Variants in CAMK4 observed in about 807,000 individuals in gnomAD.
CAMK4 encodes calcium/calmodulin-dependent protein kinase type IV.
A neutral mutation model predicts 44.9 loss-of-function variants in CAMK4; 22 were observed. The ratio of observed to expected loss-of-function variants is 0.49; its 90% CI spans 0.35 to 0.70. The LOEUF (loss-of-function observed/expected upper bound fraction) is 0.70, where lower values mean the gene tolerates loss of function less well. Ranked by LOEUF, CAMK4 falls within the 30% of genes least tolerant of loss-of-function variation. The pLI is 0.01. For synonymous variants in CAMK4, 218 were observed against 215.4 expected, an observed-to-expected ratio of 1.01 and a Z score of -0.11; for missense variants, 498 against 586.8, an observed-to-expected ratio of 0.85 and a Z score of 1.56.
At chr5:111,452,650 T>G (rs1310558935) in intron 7 of CAMK4, among the ~76,000 whole-genome samples, 1 of 152,222 alleles carries the variant, frequency 6.6e-6, no homozygotes, top group East Asian at 1.9e-4. Flanking sequence ...AATACTGTTT[T>G]AATATATTGT....
At chr5:111,476,782 A>G (rs2112493519) in intron 8 of CAMK4, among the ~76,000 whole-genome samples, 1 of 152,310 alleles carries the variant, frequency 6.6e-6, no homozygotes, top group African/African-American at 2.4e-5. Context: ...ATCAGAAATC[A>G]GATAACATCA....
chr5:111,362,115 C>G (rs370804955), intron 2 of CAMK4, among the ~76,000 whole-genome samples: 1 of 152,012 alleles, frequency 6.6e-6, no homozygotes, highest in African/African-American at 2.4e-5. Flanking sequence ...GGAAATTTCA[C>G]ACATACTCTT....
At chr5:111,395,205 C>G (rs1235899607) in intron 5 of CAMK4, among the ~76,000 whole-genome samples, 1 of 110,796 alleles carries the variant, frequency 9.0e-6, no homozygotes, top group African/African-American at 3.5e-5. Context: ...GAGAGAGACC[C>G]TGTCTCAAAA....
chr5:111,454,525 T>C (rs921901487), intron 7 of CAMK4, among the ~76,000 whole-genome samples: 1 of 151,852 alleles, frequency 6.6e-6, no homozygotes, highest in Non-Finnish European at 1.5e-5. Context: ...GGCCAGAAAA[T>C]TAAAATTTAT....
intron 1 of CAMK4, among the ~76,000 whole-genome samples, chr5:111,263,426 C>A (rs1750083621): frequency 6.6e-6 from 1 of 152,172 alleles, no homozygotes; most frequent in South Asian, 2.1e-4. Context: ...TTGGGAAATA[C>A]TGTTATTTAC....
chr5:111,337,856 G>A (rs448924), intron 1 of CAMK4, among the ~76,000 whole-genome samples: 138,641 of 151,046 alleles, frequency 0.92, 63,739 homozygotes, highest in East Asian at 1. Context: ...TTCAGCAGCC[G>A]GACTTGTAAA....
chr5:111,419,889 C>T (rs545602471), intron 5 of CAMK4, among the ~76,000 whole-genome samples: 71 of 152,250 alleles, frequency 4.7e-4, no homozygotes, highest in Non-Finnish European at 6.9e-4. Context: ...ATGCCTACGG[C>T]TTTGTTCTTT....
At chr5:111,465,312 A>T (rs990903696) in intron 7 of CAMK4, among the ~76,000 whole-genome samples, 1 of 151,978 alleles carries the variant, frequency 6.6e-6, no homozygotes, top group Non-Finnish European at 1.5e-5. Flanking sequence ...ACAAGAACAA[A>T]CCCAACTCAA....
intron 2 of CAMK4, among the ~76,000 whole-genome samples, chr5:111,351,366 C>T (rs1261599970): frequency 6.6e-6 from 1 of 151,794 alleles, no homozygotes; most frequent in East Asian, 1.9e-4. Flanking sequence ...GTGCATATCT[C>T]TTTACAAGGA....
At chr5:111,326,579 C>A (rs1748896375) in intron 1 of CAMK4, among the ~76,000 whole-genome samples, 3 of 150,558 alleles carry the variant, frequency 2.0e-5, no homozygotes, top group Admixed American at 2.0e-4. Flanking sequence ...AAATCTTCCA[C>A]CTTTTTTTTT....
chr5:111,258,811 A>T (rs1438836522), intron 1 of CAMK4, among the ~76,000 whole-genome samples: 1 of 150,840 alleles, frequency 6.6e-6, no homozygotes, highest in Non-Finnish European at 1.5e-5. Context: ...GTCTTGTGTT[A>T]TATGAACTTG....
At chr5:111,442,236 A>G (rs1753849352) in intron 5 of CAMK4, among the ~76,000 whole-genome samples, 1 of 152,120 alleles carries the variant, frequency 6.6e-6, no homozygotes, top group Non-Finnish European at 1.5e-5. Flanking sequence ...GCTCATGCCT[A>G]TAATCCCAGC....
At chr5:111,234,144 A>G (rs1162912521) in intron 1 of CAMK4, among the ~76,000 whole-genome samples, 1 of 152,266 alleles carries the variant, frequency 6.6e-6, no homozygotes, top group Non-Finnish European at 1.5e-5. Context: ...AATGGTAGTC[A>G]TAAGTGGATA....
intron 5 of CAMK4, among the ~76,000 whole-genome samples, chr5:111,413,402 C>A (rs942917150): frequency 6.6e-5 from 10 of 151,832 alleles, no homozygotes; most frequent in African/African-American, 2.4e-4. Flanking sequence ...TATGGTGAAA[C>A]CCTGTCTCTA....
intron 5 of CAMK4, among the ~76,000 whole-genome samples, chr5:111,408,024 G>A (rs184622881): frequency 3.3e-5 from 5 of 152,118 alleles, no homozygotes; most frequent in East Asian, 1.9e-4. Context: ...CAGGAGAATC[G>A]CTTGAACCTG....
chr5:111,361,958 T>A (rs918651305), intron 2 of CAMK4, among the ~76,000 whole-genome samples: 1 of 152,042 alleles, frequency 6.6e-6, no homozygotes, highest in African/African-American at 2.4e-5. Context: ...TAAATCCCTA[T>A]ATTTCTAAAT....
chr5:111,315,207 C>T (rs1295800340), intron 1 of CAMK4, among the ~76,000 whole-genome samples: 1 of 152,100 alleles, frequency 6.6e-6, no homozygotes, highest in African/African-American at 2.4e-5. Context: ...CAAAATTTAT[C>T]AGCGGGAAAA....
intron 1 of CAMK4, among the ~76,000 whole-genome samples, chr5:111,259,223 T>C (rs964752054): frequency 1.3e-5 from 2 of 152,230 alleles, no homozygotes; most frequent in African/African-American, 4.8e-5. Context: ...TTAATCTCTG[T>C]ATCTCTCACT....
At chr5:111,243,984 T>C (rs1400925786) in intron 1 of CAMK4, among the ~76,000 whole-genome samples, 2 of 152,204 alleles carry the variant, frequency 1.3e-5, no homozygotes, top group East Asian at 1.9e-4. Context: ...TTAATACAGA[T>C]GAAGAAACCG....
Sources: allele counts gnomAD v4.1 joint callset (sites outside exome capture counted in the v4.1 genomes callset), GRCh38; gene constraint gnomAD v4.1.1; transcripts MANE v1.5; gene names NCBI Gene and HGNC (gene_info 2026-07-23, HGNC 2026-07-21).